COL26A1: variants seen among roughly 807,000 people sequenced by gnomAD.
COL26A1 encodes the protein collagen type XXVI alpha 1 chain.
Under a neutral mutation model 59.3 loss-of-function variants are expected in COL26A1, and 41 were observed. The observed-to-expected ratio is 0.69, with a 90% CI of 0.54 to 0.90. The LOEUF (loss-of-function observed/expected upper bound fraction) is 0.90. COL26A1 is among the 40% of genes least tolerant of loss of function. The pLI, the probability that COL26A1 is intolerant of heterozygous loss-of-function variation, is 0.00. For synonymous variants in COL26A1, 266 were observed against 256.0 expected (o/e 1.04, Z -0.37); for missense variants, 612 against 602.3 (o/e 1.02, Z -0.17).
chr7:101,376,993 T>G (rs1791332711), intron 1 of COL26A1, among the ~76,000 whole-genome samples: 1 of 151,822 alleles, frequency 6.6e-6, no homozygotes, highest in Admixed American at 6.6e-5. Flanking sequence ...CGAGTAGCTG[T>G]GATTATAGGT....
chr7:101,452,317 G>C (rs760863649), intron 3 of COL26A1, among the ~76,000 whole-genome samples: 1 of 152,168 alleles, frequency 6.6e-6, no homozygotes, highest in South Asian at 2.1e-4. Context: ...CCACCAAGTA[G>C]GTTCATGTGG....
chr7:101,540,924 A>G (rs1206758431), intron 5 of COL26A1, among the ~76,000 whole-genome samples: 1 of 152,024 alleles, frequency 6.6e-6, no homozygotes, highest in Non-Finnish European at 1.5e-5. Flanking sequence ...GGAGGATTGC[A>G]TGAAGCCAGG....
intron 1 of COL26A1, among the ~76,000 whole-genome samples, chr7:101,390,052 C>A (rs1791689689): frequency 6.6e-6 from 1 of 150,424 alleles, no homozygotes; most frequent in African/African-American, 2.5e-5. Context: ...CTCCTGTTGG[C>A]TGGGCTTTTT....
chr7:101,364,588 T>A (rs1042391138), intron 1 of COL26A1, among the ~76,000 whole-genome samples: 3 of 146,090 alleles, frequency 2.1e-5, no homozygotes, highest in East Asian at 2.0e-4. Context: ...TTTTTTTTTT[T>A]AATATAGGGT....
At chr7:101,407,795 T>A (rs1792162189) in intron 1 of COL26A1, among the ~76,000 whole-genome samples, 1 of 152,030 alleles carries the variant, frequency 6.6e-6, no homozygotes, top group Admixed American at 6.6e-5. Context: ...TCCATGGCAA[T>A]GACCTGATAA....
intron 1 of COL26A1, among the ~76,000 whole-genome samples, chr7:101,377,180 C>CTTTTTT (rs1791338442): frequency 6.9e-6 from 1 of 144,512 alleles, no homozygotes; most frequent in Admixed American, 6.7e-5. Flanking sequence ...TTTCTTTTTT[C>CTTTTTT]CTTTTAAATA....
At chr7:101,389,659 A>G (rs28891968) in intron 1 of COL26A1, among the ~76,000 whole-genome samples, 9,351 of 151,954 alleles carry the variant, frequency 0.062, 654 homozygotes, top group African/African-American at 0.16. Context: ...GGGTTCAAGA[A>G]ATTCTCGTGC....
intron 1 of COL26A1, among the ~76,000 whole-genome samples, chr7:101,372,679 A>G (rs980803868): frequency 6.6e-6 from 1 of 151,786 alleles, no homozygotes; most frequent in Admixed American, 6.6e-5. Flanking sequence ...TGCCTGACAT[A>G]TAGTTAGTGG....
At position 101,557,394 on chromosome 7, in the gene COL26A1, G is replaced by A; in HGVS notation, c.1190G>A (p.Gly397Asp). ...IHDPLASPEGGSGQDAALRAN... is the reference protein window; with the variant it reads ...IHDPLASPEGDSGQDAALRAN... ...GATCCCCTGGCCTCCCCAGAGGGAG[G>A]TTCTGGCCAGGATGCTGCCCTGAGA... The change falls in exon 13 of 13, where the codon GGT (glycine) becomes GAT (aspartate). Residue 397 changes from glycine (G) to aspartate (D), a missense_variant. Coordinates refer to ENST00000313669, the MANE Select transcript of COL26A1 (RefSeq NM_001278563.3). 1 of 1,613,688 alleles carries A rather than the reference G, an allele frequency of 6.2e-7. No homozygotes were observed. The highest frequency in any genetic ancestry group is 2.2e-5 in the East Asian group (1 of 44,870).
chr7:101,457,724 T>C (rs571351249), intron 3 of COL26A1, among the ~76,000 whole-genome samples: 3 of 152,326 alleles, frequency 2.0e-5, no homozygotes, highest in African/African-American at 7.2e-5. Flanking sequence ...TTGAACTTTA[T>C]ATAAATGGAA....
chr7:101,417,613 TATCTA>T, intron 1 of COL26A1, among the ~76,000 whole-genome samples: 1 of 40,148 alleles, frequency 2.5e-5, no homozygotes, highest in Non-Finnish European at 1.2e-4. Flanking sequence ...TATATCTATA[TATCTA>T]GACATAGATA....
At chr7:101,445,513 C>T (rs1377789875) in intron 2 of COL26A1, among the ~76,000 whole-genome samples, 1 of 150,380 alleles carries the variant, frequency 6.6e-6, no homozygotes, top group South Asian at 2.1e-4. Context: ...GGGCGGATCA[C>T]GAGGTCAGGA....
chr7:101,373,438 A>G (rs1183328485), intron 1 of COL26A1, among the ~76,000 whole-genome samples: 3 of 152,232 alleles, frequency 2.0e-5, no homozygotes, highest in South Asian at 2.1e-4. Context: ...TTTTTCCTGC[A>G]TGGAGTTTTC....
intron 3 of COL26A1, among the ~76,000 whole-genome samples, chr7:101,472,661 G>A (rs1014808122): frequency 6.6e-6 from 1 of 152,172 alleles, no homozygotes; most frequent in Non-Finnish European, 1.5e-5. Flanking sequence ...AGAGCATGGA[G>A]CAGCTGGGAT....
intron 1 of COL26A1, among the ~76,000 whole-genome samples, chr7:101,414,725 C>T (rs1232050084): frequency 3.3e-5 from 5 of 152,232 alleles, no homozygotes; most frequent in African/African-American, 1.2e-4. Flanking sequence ...GCATGAGCCA[C>T]TGCGCCCGGC....
In COL26A1 at chr7:101,525,043, G is replaced by GA. The variant is rs560891812; in HGVS notation, c.386-8038dup. Reference sequence around the variant, plus strand: ...CATATCATTGAGAATGGGTGCCCCAGAGAAGAATCTTATGAATCTTATGAT... The same window carrying GA: ...CATATCATTGAGAATGGGTGCCCCAGAAGAAGAATCTTATGAATCTTATGAT... On this transcript the variant is annotated intron_variant, in intron 3 of 12. Coordinates refer to ENST00000313669, the MANE Select transcript of COL26A1 (RefSeq NM_001278563.3). Among the ~76,000 whole-genome samples, 33 of 152,228 alleles carry GA rather than the reference G, an allele frequency of 2.2e-4. No homozygotes were observed. In the East Asian group the frequency reaches 6.4e-3, roughly 29 times the overall value.
At chr7:101,460,549 G>A (rs540133350) in intron 3 of COL26A1, among the ~76,000 whole-genome samples, 10 of 152,206 alleles carry the variant, frequency 6.6e-5, no homozygotes, top group Non-Finnish European at 1.5e-4. Context: ...TAGGGAGGTG[G>A]AGGTGGGCGG....
intron 1 of COL26A1, among the ~76,000 whole-genome samples, chr7:101,413,344 C>G (rs1489483086): frequency 6.6e-6 from 1 of 152,088 alleles, no homozygotes; most frequent in Admixed American, 6.6e-5. Context: ...CATGGCGAAA[C>G]CAGTCTCTAC....
At chr7:101,465,184 C>T (rs1043769511) in intron 3 of COL26A1, among the ~76,000 whole-genome samples, 10 of 151,798 alleles carry the variant, frequency 6.6e-5, no homozygotes, top group African/African-American at 2.2e-4. Context: ...ACTACAGGTG[C>T]ACACCACCTG....
Sources: gnomAD v4.1 joint callset for allele counts (sites outside exome capture counted in the v4.1 genomes callset) on GRCh38, gnomAD v4.1.1 for gene constraint, MANE v1.5 for transcripts, NCBI Gene and HGNC (gene_info 2026-07-23, HGNC 2026-07-21) for gene names.